Variants in MTHFD1L observed in about 807,000 individuals in gnomAD.
MTHFD1L encodes the protein monofunctional C1-tetrahydrofolate synthase, mitochondrial.
Under a neutral mutation model 119.5 loss-of-function variants are expected in MTHFD1L, and 81 were observed. That is an observed-to-expected ratio of 0.68 (90% confidence interval 0.57 to 0.82). MTHFD1L has a LOEUF of 0.82. Among genes scored for constraint, MTHFD1L ranks in the 40% least tolerant of loss-of-function variants. MTHFD1L has a pLI of 0.00. For synonymous variants in MTHFD1L, 430 were observed against 475.2 expected (o/e 0.90, Z 1.24); for missense variants, 1,125 against 1,253.4 (o/e 0.90, Z 1.55).
intron 20 of MTHFD1L, among the ~76,000 whole-genome samples, chr6:150,973,579 C>T (rs1776091726): frequency 6.6e-6 from 1 of 152,212 alleles, no homozygotes; most frequent in Non-Finnish European, 1.5e-5. Context: ...AGGAAGCACT[C>T]TATTTTATGC....
chr6:150,919,894 T>G (rs975618020), intron 9 of MTHFD1L, among the ~76,000 whole-genome samples: 1 of 152,162 alleles, frequency 6.6e-6, no homozygotes, highest in Non-Finnish European at 1.5e-5. Flanking sequence ...GGATCTCTCA[T>G]GCATTTGAAG....
chr6:150,983,324 A>T (rs1777812676), intron 20 of MTHFD1L, among the ~76,000 whole-genome samples: 1 of 152,084 alleles, frequency 6.6e-6, no homozygotes. Flanking sequence ...TTGCCTTATA[A>T]CTGTTGTCTC....
intron 26 of MTHFD1L, among the ~76,000 whole-genome samples, chr6:151,037,430 G>T (rs1657319891): frequency 6.6e-6 from 1 of 152,078 alleles, no homozygotes; most frequent in Non-Finnish European, 1.5e-5. Context: ...TTAAGACAGT[G>T]GTTGTCAACC....
chr6:151,045,421 C>G (rs1338393206), intron 26 of MTHFD1L, among the ~76,000 whole-genome samples: 1 of 152,214 alleles, frequency 6.6e-6, no homozygotes, highest in Middle Eastern at 3.2e-3. Context: ...TCCACTTTCC[C>G]TACTACTTTT....
intron 21 of MTHFD1L, among the ~76,000 whole-genome samples, chr6:151,012,833 G>A (rs935363815): frequency 6.6e-6 from 1 of 152,140 alleles, no homozygotes; most frequent in Non-Finnish European, 1.5e-5. Context: ...AGAGGCAGTG[G>A]TGCTAATGCA....
At chr6:151,066,561 T>C (rs529248016) in intron 26 of MTHFD1L, among the ~76,000 whole-genome samples, 20 of 150,380 alleles carry the variant, frequency 1.3e-4, no homozygotes, top group Non-Finnish European at 2.2e-4. Context: ...GTCAGGAGAT[T>C]GAGACCATCC....
intron 9 of MTHFD1L, among the ~76,000 whole-genome samples, chr6:150,919,845 G>A (rs1322947226): frequency 1.3e-5 from 2 of 152,184 alleles, no homozygotes; most frequent in African/African-American, 4.8e-5. Flanking sequence ...GATTTGGGCA[G>A]GGACACACAT....
intron 24 of MTHFD1L, among the ~76,000 whole-genome samples, chr6:151,030,857 T>C (rs1442580761): frequency 6.6e-6 from 1 of 152,200 alleles, no homozygotes; most frequent in Non-Finnish European, 1.5e-5. Flanking sequence ...TCAACCATTC[T>C]TTATTCTTCA....
chr6:151,100,034 CTTTTTT>C (rs377326942), intron 27 of MTHFD1L: 14 of 473,736 alleles, frequency 3.0e-5, no homozygotes, highest in Middle Eastern at 6.2e-4. Context: ...TCTTTCTTTT[CTTTTTT>C]TTTTTTTTTT....
At chr6:151,030,126 G>A (rs1349834775) in intron 24 of MTHFD1L, among the ~76,000 whole-genome samples, 5 of 152,146 alleles carry the variant, frequency 3.3e-5, no homozygotes, top group African/African-American at 4.8e-5. Flanking sequence ...CTGACTCAAC[G>A]TGTGCAGTAC....
At chr6:150,973,520 G>A (rs947404658) in intron 20 of MTHFD1L, among the ~76,000 whole-genome samples, 1 of 152,190 alleles carries the variant, frequency 6.6e-6, no homozygotes, top group African/African-American at 2.4e-5. Flanking sequence ...GTGCTTAAGT[G>A]AAGTGGTGGT....
At chr6:151,024,623 G>T (rs903576888) in intron 24 of MTHFD1L, among the ~76,000 whole-genome samples, 1 of 152,142 alleles carries the variant, frequency 6.6e-6, no homozygotes, top group Non-Finnish European at 1.5e-5. Flanking sequence ...GAAGTCAGGA[G>T]TTGGAGACCA....
At chr6:150,914,074 G>C (rs1787432640) in intron 8 of MTHFD1L, among the ~76,000 whole-genome samples, 1 of 152,208 alleles carries the variant, frequency 6.6e-6, no homozygotes, top group Non-Finnish European at 1.5e-5. Context: ...AGGCTGCAGT[G>C]AGCCAAGATC....
chr6:150,907,170 A>T (rs868595245), intron 8 of MTHFD1L, among the ~76,000 whole-genome samples: 7 of 152,276 alleles, frequency 4.6e-5, no homozygotes, highest in Non-Finnish European at 8.8e-5. Context: ...TAAAGTTTTC[A>T]TGTAGGACAG....
At chr6:150,881,818 GA>G (rs1781440122) in intron 4 of MTHFD1L, among the ~76,000 whole-genome samples, 1 of 152,108 alleles carries the variant, frequency 6.6e-6, no homozygotes, top group African/African-American at 2.4e-5. Context: ...ACCATTTGTT[GA>G]ATGAATGAAA....
intron 22 of MTHFD1L, 55 bp downstream of exon 22, chr6:151,013,875 G>A (rs1429061493): frequency 8.6e-6 from 13 of 1,510,808 alleles, no homozygotes; most frequent in South Asian, 2.3e-5. Flanking sequence ...CCAGTGACTC[G>A]TTGGCTTTCA....
At position 150,947,114 on chromosome 6, in the gene MTHFD1L, G is replaced by A. The variant is rs1379942973; in HGVS notation, c.1623+1573G>A. 1.3e-5 allele frequency among the ~76,000 whole-genome samples: 2 copies of A among 148,338 alleles called. 1 individual carries two copies. The highest frequency in any genetic ancestry group is 4.2e-4 in the East Asian group (2 of 4,754). Reference sequence around the variant, plus strand: ...AAAAAGAAAAATCACTATTTTGTGTGTGTGTGACAGTCTTGCTCTGTTGCT... The same window carrying A: ...AAAAAGAAAAATCACTATTTTGTGTATGTGTGACAGTCTTGCTCTGTTGCT... On this transcript the variant is annotated intron_variant, in intron 15 of 27. Coordinates refer to ENST00000367321, the MANE Select transcript of MTHFD1L (RefSeq NM_015440.5).
At chr6:151,070,025 A>G (rs967925368) in intron 26 of MTHFD1L, among the ~76,000 whole-genome samples, 1 of 152,142 alleles carries the variant, frequency 6.6e-6, no homozygotes, top group Admixed American at 6.5e-5. Flanking sequence ...CAATTGACAC[A>G]TACCACCTCT....
At chr6:151,024,523 A>G (rs1784371797) in intron 24 of MTHFD1L, among the ~76,000 whole-genome samples, 1 of 151,618 alleles carries the variant, frequency 6.6e-6, no homozygotes, top group East Asian at 1.9e-4. Flanking sequence ...AGCCTAAGCA[A>G]CAGAGCCAAG....
Sources: allele counts gnomAD v4.1 joint callset (sites outside exome capture counted in the v4.1 genomes callset), GRCh38; gene constraint gnomAD v4.1.1; transcripts MANE v1.5; gene names NCBI Gene and HGNC (gene_info 2026-07-23, HGNC 2026-07-21).